The following RBFOX1 variants were observed in gnomAD, a reference collection of about 807,000 sequenced individuals.
The protein encoded by RBFOX1 is RNA binding fox-1 homolog 1.
Under a neutral mutation model 57.7 loss-of-function variants are expected in RBFOX1, and 8 were observed. The ratio of observed to expected loss-of-function variants is 0.14; its 90% CI spans 0.08 to 0.25. The LOEUF (loss-of-function observed/expected upper bound fraction) is 0.25, where lower values mean the gene tolerates loss of function less well. Ranked by LOEUF, RBFOX1 falls within the 10% of genes least tolerant of loss-of-function variation. The pLI is 1.00. For missense variants in RBFOX1, 611 were observed against 548.5 expected, an observed-to-expected ratio of 1.11 and a Z score of -1.14; for synonymous variants, 326 against 222.4, an observed-to-expected ratio of 1.47 and a Z score of -4.15.
At chr16:5,651,048 T>C in intron 3 of RBFOX1, among the ~76,000 whole-genome samples, 3 of 80,452 alleles carry the variant, frequency 3.7e-5, no homozygotes, top group African/African-American at 1.5e-4. Context: ...TTCTTTTTTT[T>C]TTTTTTTTTT....
chr16:5,457,855 C>A (rs1487274700), intron 1 of RBFOX1, among the ~76,000 whole-genome samples: 2 of 152,130 alleles, frequency 1.3e-5, no homozygotes, highest in African/African-American at 4.8e-5. Flanking sequence ...TCTTTCTTCC[C>A]AGCAGATTTT....
intron 2 of RBFOX1, among the ~76,000 whole-genome samples, chr16:6,410,303 C>CT (rs34012786): frequency 0.16 from 14,257 of 86,702 alleles, 2,196 homozygotes; most frequent in African/African-American, 0.26. Context: ...ACCTAGGGTT[C>CT]TTTTTTTTTT....
intron 3 of RBFOX1, among the ~76,000 whole-genome samples, chr16:6,969,260 T>C (rs931188409): frequency 3.3e-5 from 5 of 152,234 alleles, no homozygotes; most frequent in East Asian, 3.9e-4. Flanking sequence ...CCTTGGAGAT[T>C]ATGGATTTTA....
At chr16:7,509,614 T>G (rs1178082008) in intron 4 of RBFOX1, among the ~76,000 whole-genome samples, 1 of 152,178 alleles carries the variant, frequency 6.6e-6, no homozygotes, top group Non-Finnish European at 1.5e-5. Flanking sequence ...TTCAAAATCT[T>G]CCAAGTCATC....
rs34641433 is a variant in RBFOX1 at position 6,554,033 on chromosome 16, T to TATGAATGAATGAATGA, written c.-63-100566_-63-100551dup. Among the ~76,000 whole-genome samples, 578 of 151,922 alleles carry TATGAATGAATGAATGA rather than the reference T, an allele frequency of 3.8e-3. 9 individuals are homozygous for TATGAATGAATGAATGA. The highest frequency in any genetic ancestry group is 0.013 in the African/African-American group (540 of 41,288). Reference sequence around the variant, plus strand: ...GGGATGAATAAATGTGTTTTGAAAGTATGAATGAATGAATGAATGGATAAA... The same window carrying TATGAATGAATGAATGA: ...GGGATGAATAAATGTGTTTTGAAAGTATGAATGAATGAATGAATGAATGAATGAATGAATGGATAAA... On this transcript the variant is annotated intron_variant, in intron 2 of 15. Coordinates refer to ENST00000550418, the MANE Select transcript of RBFOX1 (RefSeq NM_018723.4).
chr16:6,858,812 C>A (rs766761245), intron 3 of RBFOX1, among the ~76,000 whole-genome samples: 1 of 151,980 alleles, frequency 6.6e-6, no homozygotes, highest in Non-Finnish European at 1.5e-5. Context: ...TGGCATTCGC[C>A]TCTGCTGGTT....
intron 2 of RBFOX1, among the ~76,000 whole-genome samples, chr16:6,503,756 C>G (rs1363341453): frequency 2.6e-5 from 4 of 152,160 alleles, no homozygotes; most frequent in Non-Finnish European, 4.4e-5. Context: ...CACAGCCAAT[C>G]CCAGAGTGAG....
intron 3 of RBFOX1, among the ~76,000 whole-genome samples, chr16:6,731,838 A>T (rs1295834800): frequency 1.3e-5 from 2 of 152,116 alleles, no homozygotes; most frequent in African/African-American, 4.8e-5. Flanking sequence ...CGTTTTCTAA[A>T]ATCCTTGGCT....
intron 1 of RBFOX1, among the ~76,000 whole-genome samples, chr16:5,344,331 T>C (rs1328790611): frequency 6.6e-6 from 1 of 152,186 alleles, no homozygotes. Context: ...AGCTGTGTCA[T>C]TGGTAGGGAT....
At chr16:5,982,869 A>G (rs1269681346) in intron 4 of RBFOX1, among the ~76,000 whole-genome samples, 1 of 152,212 alleles carries the variant, frequency 6.6e-6, no homozygotes, top group Non-Finnish European at 1.5e-5. Context: ...ATGTCTCAAG[A>G]TGTAGCAGTG....
At chr16:6,166,250 C>A (rs1160765339) in intron 1 of RBFOX1, among the ~76,000 whole-genome samples, 2 of 152,226 alleles carry the variant, frequency 1.3e-5, no homozygotes, top group South Asian at 2.1e-4. Flanking sequence ...TGCCTGCTGT[C>A]CTGGTGAACT....
intron 1 of RBFOX1, among the ~76,000 whole-genome samples, chr16:5,408,277 A>G (rs2066917415): frequency 6.6e-6 from 1 of 152,188 alleles, no homozygotes; most frequent in South Asian, 2.1e-4. Flanking sequence ...TTGGAGAGAG[A>G]TGACATGTTT....
At chr16:5,276,112 A>G (rs766938501) in intron 1 of RBFOX1, among the ~76,000 whole-genome samples, 11 of 152,254 alleles carry the variant, frequency 7.2e-5, no homozygotes, top group Admixed American at 2.0e-4. Context: ...ACGTTTCTAC[A>G]CATTGGCTTA....
rs1346529933 is a variant in RBFOX1 at position 5,733,639 on chromosome 16, A to G, written c.319-133664A>G. Among the ~76,000 whole-genome samples, 5 of 152,140 alleles carry G rather than the reference A, an allele frequency of 3.3e-5. No individual in the cohort carries two copies. The East Asian group carries it at 9.7e-4, about 29-fold the overall frequency. On this transcript the variant is annotated intron_variant, in intron 3 of 19. Coordinates refer to the RBFOX1 transcript ENST00000641259. ...GTGCCTCATGATGTTACTCTTGTCC[A>G]CTTGCAGAGAGCTTTCCCAAACACC...
At chr16:5,686,168 C>G (rs1189350156) in intron 3 of RBFOX1, among the ~76,000 whole-genome samples, 1 of 152,026 alleles carries the variant, frequency 6.6e-6, no homozygotes, top group Non-Finnish European at 1.5e-5. Flanking sequence ...ATGTACCAAG[C>G]AACATGGAAT....
chr16:6,455,049 ATT>A (rs34643206), intron 2 of RBFOX1, among the ~76,000 whole-genome samples: 112,355 of 142,384 alleles, frequency 0.79, 44,273 homozygotes, highest in Middle Eastern at 0.87. Flanking sequence ...TGCCTGGCTA[ATT>A]TTTTTTTTTT....
chr16:6,781,888 A>G (rs1336922095), intron 3 of RBFOX1, among the ~76,000 whole-genome samples: 1 of 151,600 alleles, frequency 6.6e-6, no homozygotes, highest in Admixed American at 6.6e-5. Flanking sequence ...TTTTCTCTCA[A>G]TTTCATTTAT....
intron 11 of RBFOX1, among the ~76,000 whole-genome samples, chr16:7,638,252 G>C (rs977923354): frequency 3.9e-5 from 6 of 152,144 alleles, no homozygotes; most frequent in African/African-American, 1.4e-4. Context: ...CTTCTCATTA[G>C]CTTTCTTAAG....
intron 1 of RBFOX1, among the ~76,000 whole-genome samples, chr16:6,197,739 C>G (rs1389624219): frequency 6.6e-6 from 1 of 151,698 alleles, no homozygotes; most frequent in African/African-American, 2.4e-5. Context: ...ATTGCGTCAC[C>G]CAGGTATTAA....
Sources: gnomAD v4.1 joint callset for allele counts (sites outside exome capture counted in the v4.1 genomes callset) on GRCh38, gnomAD v4.1.1 for gene constraint, MANE v1.5 for transcripts, NCBI Gene and HGNC (gene_info 2026-07-23, HGNC 2026-07-21) for gene names.